The following BLTP3A variants were observed in gnomAD, a reference collection of about 807,000 sequenced individuals.
BLTP3A encodes the protein ICBP90 binding protein 1.
At chr6:34,861,796 G>T in the BLTP3A span, among the ~76,000 whole-genome samples, 25 of 152,182 alleles carry the variant, frequency 1.6e-4, no homozygotes, top group East Asian at 4.8e-3. Context: ...TGTTGCACAG[G>T]CTGGTCTTGA....
chr6:34,799,118 T>A, the BLTP3A span, among the ~76,000 whole-genome samples: 1 of 152,002 alleles, frequency 6.6e-6, no homozygotes, highest in African/African-American at 2.4e-5. Context: ...ATTTTTGTAT[T>A]TTTAGTAGAG....
At chr6:34,849,239 T>C in the BLTP3A span, among the ~76,000 whole-genome samples, 1 of 152,086 alleles carries the variant, frequency 6.6e-6, no homozygotes, top group Non-Finnish European at 1.5e-5. Flanking sequence ...CATCAAGTGA[T>C]CCACCTGTCT....
At chr6:34,825,765 A>AC in the BLTP3A span, among the ~76,000 whole-genome samples, 1 of 152,324 alleles carries the variant, frequency 6.6e-6, no homozygotes, top group Admixed American at 6.5e-5. Flanking sequence ...AGACCATAGC[A>AC]CTGAGTAACA....
the BLTP3A span, among the ~76,000 whole-genome samples, chr6:34,824,724 G>A: frequency 1.9e-4 from 29 of 151,656 alleles, no homozygotes; most frequent in Admixed American, 7.9e-4. Context: ...AGGCTGGAGT[G>A]CAGTGGCACG....
the BLTP3A span, chr6:34,836,293 G>A: frequency 2.2e-5 from 35 of 1,614,074 alleles, no homozygotes; most frequent in Non-Finnish European, 6.8e-6. Flanking sequence ...CCTACCATCT[G>A]CTCATCTCCC....
the BLTP3A span, among the ~76,000 whole-genome samples, chr6:34,811,752 G>A: frequency 1.3e-5 from 2 of 150,978 alleles, no homozygotes; most frequent in Non-Finnish European, 2.9e-5. Context: ...CTGCCCACTC[G>A]GGAGGCTGAG....
the BLTP3A span, chr6:34,872,212 T>C: frequency 1.5e-6 from 2 of 1,363,970 alleles, no homozygotes; most frequent in Non-Finnish European, 2.0e-6. Flanking sequence ...ACATAACTTG[T>C]GGATTTTTCT....
At chr6:34,811,683 C>T in the BLTP3A span, among the ~76,000 whole-genome samples, 14 of 119,358 alleles carry the variant, frequency 1.2e-4, 1 homozygote, top group Middle Eastern at 7.9e-3. Flanking sequence ...GACCCCCCCC[C>T]CCGCATCTCT....
At chr6:34,850,664 G>A in the BLTP3A span, among the ~76,000 whole-genome samples, 12 of 152,160 alleles carry the variant, frequency 7.9e-5, no homozygotes, top group Non-Finnish European at 1.6e-4. Context: ...GCATTCTTCA[G>A]TGTGTCAGCT....
the BLTP3A span, among the ~76,000 whole-genome samples, chr6:34,800,091 T>C: frequency 2.9e-4 from 44 of 152,198 alleles, no homozygotes; most frequent in African/African-American, 1.0e-3. Flanking sequence ...TTTTTTCATA[T>C]CAAGGCATAC....
the BLTP3A span, among the ~76,000 whole-genome samples, chr6:34,853,269 C>T: frequency 4.6e-5 from 7 of 152,114 alleles, no homozygotes; most frequent in African/African-American, 1.7e-4. Flanking sequence ...GGCAAACTCT[C>T]AGGCTCAGGG....
At chr6:34,857,965 A>C in the BLTP3A span, 1 of 1,592,220 alleles carries the variant, frequency 6.3e-7, no homozygotes, top group Non-Finnish European at 8.6e-7. Context: ...CCACAGCTGC[A>C]TTTTTCCAAT....
chr6:34,806,347 C>T, the BLTP3A span, among the ~76,000 whole-genome samples: 1 of 152,144 alleles, frequency 6.6e-6, no homozygotes, highest in South Asian at 2.1e-4. Context: ...TGGTTTGAGC[C>T]CATTAACCCT....
the BLTP3A span, chr6:34,863,916 G>A: frequency 1.5e-6 from 2 of 1,315,554 alleles, no homozygotes; most frequent in Non-Finnish European, 2.0e-6. Context: ...AGTTGTCTGA[G>A]CTGAAAGGGA....
chr6:34,811,563 A>G, the BLTP3A span, among the ~76,000 whole-genome samples: 3 of 152,142 alleles, frequency 2.0e-5, no homozygotes, highest in Middle Eastern at 6.8e-3. Context: ...CTATCTCTAC[A>G]AAAGTGTTTA....
At chr6:34,825,760 A>G in the BLTP3A span, among the ~76,000 whole-genome samples, 68 of 152,354 alleles carry the variant, frequency 4.5e-4, no homozygotes, top group African/African-American at 1.5e-3. Flanking sequence ...CAATCAGACC[A>G]TAGCACTGAG....
the BLTP3A span, among the ~76,000 whole-genome samples, chr6:34,842,095 C>T: frequency 9.2e-5 from 14 of 152,136 alleles, no homozygotes; most frequent in Non-Finnish European, 1.6e-4. Context: ...TCCAATTCTA[C>T]ACCCTACTAT....
the BLTP3A span, among the ~76,000 whole-genome samples, chr6:34,811,678 C>A: frequency 8.9e-6 from 1 of 112,934 alleles, no homozygotes; most frequent in Non-Finnish European, 1.8e-5. Context: ...GGTGAGACCC[C>A]CCCCCCCGCA....
the BLTP3A span, among the ~76,000 whole-genome samples, chr6:34,826,066 G>C: frequency 8.8e-6 from 1 of 113,842 alleles, no homozygotes; most frequent in Admixed American, 1.2e-4. Context: ...GTCTCACTCT[G>C]TTGCCCAGGC....
Sources: gnomAD v4.1 joint callset for allele counts (sites outside exome capture counted in the v4.1 genomes callset) on GRCh38, gnomAD v4.1.1 for gene constraint, MANE v1.5 for transcripts, NCBI Gene and HGNC (gene_info 2026-07-23, HGNC 2026-07-21) for gene names.